Variants in LEF1 observed in about 807,000 individuals in gnomAD.
LEF1 encodes the protein lymphoid enhancer binding factor 1, also known as lymphoid enhancer-binding factor 1.
In LEF1, 14 loss-of-function variants were observed where a neutral mutation model predicts 51.2. The observed-to-expected ratio is 0.27, with a 90% CI of 0.18 to 0.43. The LOEUF (loss-of-function observed/expected upper bound fraction) is 0.43, where lower values mean the gene tolerates loss of function less well. Ranked by LOEUF, LEF1 falls within the 20% of genes least tolerant of loss-of-function variation. The pLI is 1.00. For synonymous variants in LEF1, 185 were observed against 183.2 expected (o/e 1.01, Z -0.08); for missense variants, 386 against 512.0 (o/e 0.75, Z 2.37).
intron 3 of LEF1, among the ~76,000 whole-genome samples, chr4:108,132,089 A>C (rs984518569): frequency 6.6e-6 from 1 of 152,178 alleles, no homozygotes; most frequent in African/African-American, 2.4e-5. Context: ...TGATGTGCCT[A>C]CCCTTAATAA....
intron 3 of LEF1, among the ~76,000 whole-genome samples, chr4:108,130,834 T>C (rs1742833120): frequency 1.3e-5 from 2 of 152,056 alleles, no homozygotes; most frequent in African/African-American, 2.4e-5. Flanking sequence ...AACACTCCAC[T>C]AACAAGTGAA....
intron 3 of LEF1, among the ~76,000 whole-genome samples, chr4:108,138,047 A>G (rs1246330365): frequency 6.6e-6 from 1 of 152,214 alleles, no homozygotes; most frequent in Non-Finnish European, 1.5e-5. Context: ...ATGATTATGC[A>G]GCCTTTAGGA....
At chr4:108,164,064 C>T (rs1745237384) in intron 2 of LEF1, among the ~76,000 whole-genome samples, 1 of 152,092 alleles carries the variant, frequency 6.6e-6, no homozygotes, top group Non-Finnish European at 1.5e-5. Flanking sequence ...TATATTAGGC[C>T]ATCTAGCTAC....
At position 108,167,730 on chromosome 4, in the gene LEF1, C is replaced by A; in HGVS notation, c.38G>T (p.Gly13Val). ...QLSGGGGGGG[G>V]DPELCATDEM... The stretch of plus-strand genomic sequence containing the variant: ...GTCCGTGGCGCAGAGTTCCGGGTCC[C>A]CCCCGCCGCCGCCACCTCCTCCGGA... The change falls in exon 1 of 12, where the codon GGG becomes GTG. Residue 13 changes from glycine to valine, a missense_variant. Transcript: ENST00000265165. The surrounding 1 kb of genome is among the most constrained non-coding windows in gnomAD (Gnocchi z 5.7). The A allele has an allele frequency of 6.2e-7, 1 of 1,613,642 alleles. No individual in the cohort carries two copies. The highest frequency in any genetic ancestry group is 8.5e-7 in the Non-Finnish European group (1 of 1,180,016).
intron 4 of LEF1, among the ~76,000 whole-genome samples, chr4:108,083,935 G>T (rs1199156062): frequency 1.3e-5 from 2 of 152,164 alleles, no homozygotes; most frequent in Admixed American, 6.5e-5. Context: ...GAGGATCAAA[G>T]ATTAATTAGG....
At chr4:108,101,781 T>C (rs76683297) in intron 3 of LEF1, among the ~76,000 whole-genome samples, 201 of 152,152 alleles carry the variant, frequency 1.3e-3, no homozygotes, top group African/African-American at 4.6e-3. Flanking sequence ...AAAGCAGCTA[T>C]GGAAAAAAGT....
intron 4 of LEF1, among the ~76,000 whole-genome samples, chr4:108,085,409 A>G (rs970624399): frequency 3.9e-4 from 60 of 152,148 alleles, no homozygotes; most frequent in Admixed American, 3.7e-3. Context: ...TCTATTTCAC[A>G]GGTGTGGAAA....
chr4:108,047,806 G>A lies in LEF1; in HGVS notation c.*952C>T, dbSNP rs995184147. The A allele has an allele frequency of 1.3e-5, 2 of 152,588 alleles. No individual in the cohort carries two copies. The highest frequency in any genetic ancestry group is 6.5e-5 in the Admixed American group (1 of 15,286). 9.5% of individuals were successfully genotyped at this position (152,588 alleles called of 1,614,324 possible). A position where few individuals can be genotyped will look rare whatever the true frequency, so the allele number is the denominator to read the frequency against. Reference sequence around the variant, plus strand: ...GCTGGGCTTTTTACAACAAGGGGGTGATAAGGAAAGAAATGAAAATTCACT... The same window carrying A: ...GCTGGGCTTTTTACAACAAGGGGGTAATAAGGAAAGAAATGAAAATTCACT... On this transcript the variant is annotated 3_prime_UTR_variant, in exon 12 of 12. Transcript: ENST00000265165.
At position 108,086,829 on chromosome 4, in the gene LEF1, T is replaced by TACAC. The variant is rs139231288; in HGVS notation, c.547+2292_547+2295dup. Reference sequence around the variant, plus strand: ...GTACTGTCCCTTACACACACACACTTACACACACACACACACACACGTGAA... The same window carrying TACAC: ...GTACTGTCCCTTACACACACACACTTACACACACACACACACACACACACGTGAA... On this transcript the variant is annotated intron_variant, in intron 4 of 11. Coordinates refer to ENST00000265165, the MANE Select transcript of LEF1 (RefSeq NM_016269.5). 1.5e-3 allele frequency among the ~76,000 whole-genome samples: 221 copies of TACAC among 149,428 alleles called. 1 individual carries two copies. The highest frequency in any genetic ancestry group is 2.2e-3 in the Non-Finnish European group (151 of 67,370).
chr4:108,122,905 C>A (rs189125900), intron 3 of LEF1, among the ~76,000 whole-genome samples: 3 of 152,226 alleles, frequency 2.0e-5, no homozygotes, highest in Admixed American at 1.3e-4. Context: ...ATTAAGTGCT[C>A]AACAGTCACA....
At chr4:108,106,035 G>A (rs1741140645) in intron 3 of LEF1, among the ~76,000 whole-genome samples, 1 of 152,122 alleles carries the variant, frequency 6.6e-6, no homozygotes, top group African/African-American at 2.4e-5. Context: ...CGAATCCAGT[G>A]CCCCACCTGG....
At chr4:108,098,505 G>C (rs1740536627) in intron 3 of LEF1, among the ~76,000 whole-genome samples, 1 of 152,054 alleles carries the variant, frequency 6.6e-6, no homozygotes, top group African/African-American at 2.4e-5. Flanking sequence ...ATATTCAAAG[G>C]GGGGGCTTTC....
intron 11 of LEF1, among the ~76,000 whole-genome samples, chr4:108,059,705 G>GT (rs919726966): frequency 1.3e-5 from 2 of 151,942 alleles, no homozygotes; most frequent in Non-Finnish European, 2.9e-5. Context: ...AGACTGGTTT[G>GT]TTTTTTGCGT....
intron 3 of LEF1, among the ~76,000 whole-genome samples, chr4:108,156,530 C>T (rs1047491809): frequency 5.3e-5 from 8 of 152,126 alleles, no homozygotes; most frequent in African/African-American, 1.9e-4. Context: ...ATTTCTTCTA[C>T]ATTCTTTATT....
chr4:108,105,246 T>A (rs1046953668), intron 3 of LEF1, among the ~76,000 whole-genome samples: 2 of 147,064 alleles, frequency 1.4e-5, no homozygotes, highest in African/African-American at 5.0e-5. Flanking sequence ...AGTGGCACAA[T>A]CTTGGCTCAC....
chr4:108,166,382 G>T, intron 1 of LEF1: 11 of 1,469,242 alleles, frequency 7.5e-6, no homozygotes, highest in Middle Eastern at 1.9e-4. Context: ...GGGGTAGAAA[G>T]ATGCCATTTA....
At chr4:108,157,221 A>G (rs201731929) in intron 3 of LEF1, among the ~76,000 whole-genome samples, 1 of 51,502 alleles carries the variant, frequency 1.9e-5, no homozygotes, top group Non-Finnish European at 4.5e-5. Context: ...CACACACACA[A>G]ACACACATAT....
intron 3 of LEF1, among the ~76,000 whole-genome samples, chr4:108,130,654 C>T (rs1212905817): frequency 6.6e-6 from 1 of 150,774 alleles, no homozygotes; most frequent in Non-Finnish European, 1.5e-5. Flanking sequence ...CCTTTGAACC[C>T]AGGAGGCAGA....
At chr4:108,144,244 C>A (rs1412145310) in intron 3 of LEF1, among the ~76,000 whole-genome samples, 1 of 152,218 alleles carries the variant, frequency 6.6e-6, no homozygotes, top group Non-Finnish European at 1.5e-5. Flanking sequence ...ATCTCTCCCT[C>A]TGAAGTAATT....
Sources: gnomAD v4.1 joint callset for allele counts (sites outside exome capture counted in the v4.1 genomes callset) on GRCh38, gnomAD v4.1.1 for gene constraint, Gnocchi (gnomAD v3.1) non-coding constraint, MANE v1.5 for transcripts, NCBI Gene and HGNC (gene_info 2026-07-23, HGNC 2026-07-21) for gene names.